The following MARCO variants were observed in gnomAD, a reference collection of about 807,000 sequenced individuals.
MARCO encodes macrophage receptor MARCO.
In MARCO, 72 loss-of-function variants were observed where a neutral mutation model predicts 70.0. The ratio of observed to expected loss-of-function variants is 1.03; its 90% CI spans 0.85 to 1.25. The LOEUF (loss-of-function observed/expected upper bound fraction) is 1.25. Among genes scored for constraint, MARCO ranks in the 50% most tolerant of loss-of-function variants. The probability of loss-of-function intolerance (pLI) is 0.00; values close to 1 mark genes in which losing one functional copy is unlikely to be tolerated. For missense variants in MARCO, 696 were observed against 659.3 expected, an observed-to-expected ratio of 1.06 and a Z score of -0.61; for synonymous variants, 273 against 243.1, an observed-to-expected ratio of 1.12 and a Z score of -1.14.
chr2:118,992,381 G>C lies in MARCO; in HGVS notation c.1208-51G>C, dbSNP rs535087286. The C allele has an allele frequency of 5.7e-5, 87 of 1,523,198 alleles. No homozygotes were observed. The East Asian group carries it at 1.9e-3, about 33-fold the overall frequency. The allele number at this position is 1,523,198 out of a possible 1,614,324, so 94.4% of individuals were successfully genotyped here. ...CCCACTCATGCAAATGCAGGCAAAG[G>C]CGTCCTGCCTGGGTTTCTTTCAAAC... is the stretch of plus-strand genomic sequence containing the variant. On this transcript the variant is annotated intron_variant, in intron 14 of 16. Transcript: ENST00000327097.
At chr2:118,956,702 C>G (rs1272429334) in intron 1 of MARCO, among the ~76,000 whole-genome samples, 2 of 152,224 alleles carry the variant, frequency 1.3e-5, no homozygotes, top group African/African-American at 4.8e-5. Context: ...TTCTATTCAA[C>G]AGTGCATGGA....
chr2:118,993,450 C>A lies in MARCO; in HGVS notation c.1429+150C>A, dbSNP rs1573413630. On this transcript the variant is annotated intron_variant, in intron 16 of 16. Coordinates refer to ENST00000327097, the MANE Select transcript of MARCO (RefSeq NM_006770.4). ...CCAAAAAGCTCTGCAGTGCAGGGCT[C>A]CAGGTATGCATCCTTCCAGCTTGGC... is the stretch of plus-strand genomic sequence containing the variant. The A allele has an allele frequency of 4.4e-5, 31 of 705,880 alleles. No individual in the cohort carries two copies. The South Asian group carries it at 5.8e-4, about 13-fold the overall frequency. The allele number at this position is 705,880 out of a possible 1,614,324, so 43.7% of individuals were successfully genotyped here. A position where few individuals can be genotyped will look rare whatever the true frequency, so the allele number is the denominator to read the frequency against.
At position 118,986,588 on chromosome 2, in the gene MARCO, A is replaced by AGAAAGAAAGAAAGAAAGAAAGAAG. The variant is rs1558671377; in HGVS notation, c.1064-3978_1064-3977insGGAAAGAAAGAAAGAAAGAAAGAA. On this transcript the variant is annotated intron_variant, in intron 12 of 16. Coordinates refer to ENST00000327097, the MANE Select transcript of MARCO (RefSeq NM_006770.4). ...AGGGAGGGAGGGAGGGAAGGAAAGA[A>AGAAAGAAAGAAAGAAAGAAAGAAG]GAAAGAAAGAAAGAAAGAAAGAAAG... is the stretch of plus-strand genomic sequence containing the variant. Among the ~76,000 whole-genome samples the AGAAAGAAAGAAAGAAAGAAAGAAG allele has an allele frequency of 8.9e-3, 72 of 8,052 alleles. 2 individuals carry two copies. Among genetic ancestry groups the AGAAAGAAAGAAAGAAAGAAAGAAG allele is most frequent in the East Asian group, 0.035 (10 of 288 alleles). 5.3% of individuals were successfully genotyped at this position (8,052 alleles called of 152,430 possible). A position where few individuals can be genotyped will look rare whatever the true frequency, so the allele number is the denominator to read the frequency against.
chr2:118,986,670 AAG>A (rs1680505659), intron 12 of MARCO, among the ~76,000 whole-genome samples: 2 of 47,872 alleles, frequency 4.2e-5, no homozygotes, highest in Admixed American at 2.0e-4. Context: ...GGAAGGAAGG[AAG>A]GAAAGAAAGA....
At chr2:118,979,561 A>T (rs1680350745) in intron 8 of MARCO, among the ~76,000 whole-genome samples, 1 of 152,232 alleles carries the variant, frequency 6.6e-6, no homozygotes, top group Non-Finnish European at 1.5e-5. Context: ...AAGGGGCCTC[A>T]GCCAGGTCTT....
rs10181173 is a variant in MARCO at position 118,971,596 on chromosome 2, C to A, written c.460+62C>A. ...CCCCAAAACCTCCCCAAAAGGGCCC[C>A]TTGGCCTGTGCCATTCTGGGTCTGG... On this transcript the variant is annotated intron_variant, in intron 4 of 16. Coordinates refer to ENST00000327097, the MANE Select transcript of MARCO (RefSeq NM_006770.4). 25 of 1,570,542 alleles carry A rather than the reference C, an allele frequency of 1.6e-5. No homozygotes were observed. The East Asian group carries it at 4.7e-4, about 30-fold the overall frequency.
chr2:118,993,386 G>T (rs576417619), intron 16 of MARCO, 86 bp downstream of exon 16: 3 of 1,379,314 alleles, frequency 2.2e-6, no homozygotes, highest in South Asian at 2.5e-5. Flanking sequence ...AAGTGACTCA[G>T]TGTGGTTTTC....
At chr2:118,954,105 C>T (rs571568753) in intron 1 of MARCO, among the ~76,000 whole-genome samples, 1 of 152,336 alleles carries the variant, frequency 6.6e-6, no homozygotes, top group South Asian at 2.1e-4. Context: ...AGCTTGCAGA[C>T]TTCACAGGCA....
intron 12 of MARCO, among the ~76,000 whole-genome samples, 176 bp from the exon 13 acceptor site, chr2:118,990,413 T>C (rs1458671923): frequency 6.6e-6 from 1 of 152,186 alleles, no homozygotes; most frequent in Non-Finnish European, 1.5e-5. Context: ...TTCTCATTCA[T>C]CTGCAGACTG....
In MARCO at chr2:118,982,350, C is replaced by T; in HGVS notation, c.1003C>T (p.Leu335Phe). 6.2e-7 allele frequency: 1 copy of T among 1,613,906 alleles called. No homozygotes were observed. The highest frequency in any genetic ancestry group is 2.2e-5 in the East Asian group (1 of 44,866). ...GSAGSPGRAGLPGSPGSPGAT... is the reference protein window; with the variant it reads ...GSAGSPGRAGFPGSPGSPGAT... Reference sequence around the variant, plus strand: ...TCTCTGTGGTGTCTGTTGTCCAGGACTTCCAGGGAGCCCCGGGAGTCCAGG... The same window carrying T: ...TCTCTGTGGTGTCTGTTGTCCAGGATTTCCAGGGAGCCCCGGGAGTCCAGG... The change falls in exon 12 of 17, where the codon CTT (leucine) becomes TTT (phenylalanine). Residue 335 changes from leucine to phenylalanine, a missense_variant and splice_region_variant. Leu to Phe is a conservative substitution (Grantham distance 22). Around this residue, in one of 3 missense-constraint regions of MARCO, gnomAD observed 605 missense variants for 537.6 expected, o/e 1.13. Transcript: ENST00000327097.
intron 1 of MARCO, among the ~76,000 whole-genome samples, chr2:118,948,977 T>C (rs1302635075): frequency 1.3e-5 from 2 of 152,228 alleles, no homozygotes; most frequent in Non-Finnish European, 2.9e-5. Flanking sequence ...GGTGGACTGA[T>C]GGGTCAGCTC....
intron 8 of MARCO, among the ~76,000 whole-genome samples, chr2:118,979,246 G>C (rs1680344699): frequency 6.6e-6 from 1 of 152,188 alleles, no homozygotes. Context: ...GAAGAACAAG[G>C]ACCAATGGAC....
intron 12 of MARCO, among the ~76,000 whole-genome samples, chr2:118,986,409 G>A (rs1331006919): frequency 1.3e-5 from 2 of 151,928 alleles, no homozygotes; most frequent in African/African-American, 2.4e-5. Flanking sequence ...AGCTACTCAG[G>A]TGGCTGAAGG....
At chr2:118,994,218 A>G (rs1360341771) in intron 16 of MARCO, among the ~76,000 whole-genome samples, 169 bp from the exon 17 acceptor site, 3 of 151,990 alleles carry the variant, frequency 2.0e-5, no homozygotes, top group Non-Finnish European at 4.4e-5. Context: ...CAACAACAAC[A>G]ACAAAAACAG....
intron 1 of MARCO, among the ~76,000 whole-genome samples, chr2:118,960,064 C>T (rs1679912796): frequency 6.6e-6 from 1 of 151,394 alleles, no homozygotes; most frequent in Non-Finnish European, 1.5e-5. Context: ...TAAACAACTT[C>T]CTCATGTAAC....
At chr2:118,952,598 G>T (rs1679744448) in intron 1 of MARCO, 1 of 152,204 alleles carries the variant, frequency 6.6e-6, no homozygotes, top group Admixed American at 6.5e-5. Context: ...ACCGGCTCCT[G>T]TGGCTTTGCC....
intron 1 of MARCO, among the ~76,000 whole-genome samples, chr2:118,968,620 T>C (rs1680101583): frequency 6.6e-6 from 1 of 152,166 alleles, no homozygotes; most frequent in Non-Finnish European, 1.5e-5. Context: ...GCCCTGTACA[T>C]TATTTGATAA....
chr2:118,987,351 G>C (rs1196350090), intron 12 of MARCO, among the ~76,000 whole-genome samples: 1 of 152,152 alleles, frequency 6.6e-6, no homozygotes, highest in Non-Finnish European at 1.5e-5. Flanking sequence ...ATGCTGCCTT[G>C]ATTTATAGTG....
chr2:118,957,541 C>A (rs189543859), intron 1 of MARCO, among the ~76,000 whole-genome samples: 3 of 152,070 alleles, frequency 2.0e-5, no homozygotes, highest in African/African-American at 7.2e-5. Context: ...CAGTCCAGGA[C>A]CAGACAGATT....
Sources: gnomAD v4.1 joint callset for allele counts (sites outside exome capture counted in the v4.1 genomes callset) on GRCh38, gnomAD v4.1.1 for gene constraint, gnomAD v4.1.1 regional missense constraint, MANE v1.5 for transcripts, NCBI Gene and HGNC (gene_info 2026-07-23, HGNC 2026-07-21) for gene names.